Variants in FAM117B observed in about 807,000 individuals in gnomAD.
FAM117B encodes protein FAM117B.
FAM117B carries 22 observed loss-of-function variants against 52.8 expected under a neutral mutation model. The observed-to-expected ratio is 0.42, with a 90% confidence interval of 0.30 to 0.59. FAM117B has a LOEUF of 0.59. Ranked by LOEUF, FAM117B falls within the 20% of genes least tolerant of loss-of-function variation. FAM117B has a pLI of 0.22. For missense variants in FAM117B, 678 were observed against 802.6 expected (o/e 0.84, Z 1.88); for synonymous variants, 309 against 324.1 (o/e 0.95, Z 0.50).
chr2:202,645,321 C>T (rs1032138183), intron 1 of FAM117B, among the ~76,000 whole-genome samples: 7 of 150,280 alleles, frequency 4.7e-5, no homozygotes, highest in African/African-American at 1.2e-4. Flanking sequence ...GACAGAGTCT[C>T]GCTGTCGCCC....
rs909852905 is a variant in FAM117B at position 202,741,542 on chromosome 2, A to T, written c.961-13996A>T. On this transcript the variant is annotated intron_variant, in intron 4 of 7. Transcript: ENST00000392238. ...GAATCAATAAAACCAATGAAAAAAA[A>T]TTTTTTTTTTTTGAGACGGAGTCTT... 2.9e-3 allele frequency among the ~76,000 whole-genome samples: 417 copies of T among 143,662 alleles called. 3 individuals carry two copies. The highest frequency in any genetic ancestry group is 9.5e-3 in the African/African-American group (373 of 39,218). The allele number at this position is 143,662 out of a possible 152,430, so 94.2% of individuals were successfully genotyped here.
chr2:202,690,279 C>T (rs1008700269), intron 1 of FAM117B, among the ~76,000 whole-genome samples: 1 of 152,216 alleles, frequency 6.6e-6, no homozygotes, highest in African/African-American at 2.4e-5. Context: ...TTATTGCATA[C>T]ACTTGTCCTT....
intron 4 of FAM117B, 75 bp from the exon 5 acceptor site, chr2:202,755,463 C>G: frequency 1.3e-6 from 2 of 1,541,300 alleles, no homozygotes; most frequent in Non-Finnish European, 1.8e-6. Flanking sequence ...TTACTTATGT[C>G]TGTTGGAATT....
Position 202,634,978 on chromosome 2 carries a change from A to G in FAM117B, c.-210A>G, listed in dbSNP as rs1306751590. ...GGGGGGCGGGGGCAGCAGAGGAGAC[A>G]CTATTGTTGATGAGGAGCGGCGGCG... On this transcript the variant is annotated 5_prime_UTR_variant, in exon 1 of 8. Transcript: ENST00000392238. 6.7e-6 allele frequency among the ~76,000 whole-genome samples: 1 copy of G among 149,524 alleles called. No homozygotes were observed. The highest frequency in any genetic ancestry group is 1.5e-5 in the Non-Finnish European group (1 of 67,526).
intron 1 of FAM117B, among the ~76,000 whole-genome samples, chr2:202,655,746 G>C (rs1690045019): frequency 6.7e-6 from 1 of 150,160 alleles, no homozygotes. Flanking sequence ...GAGAGAGAGA[G>C]AGAGAGAGAG....
intron 4 of FAM117B, among the ~76,000 whole-genome samples, chr2:202,731,887 T>C (rs1691357374): frequency 6.6e-6 from 1 of 151,792 alleles, no homozygotes; most frequent in African/African-American, 2.4e-5. Flanking sequence ...AGGCGTGTGC[T>C]ACCACACCCA....
At chr2:202,664,752 C>G (rs764833320) in intron 1 of FAM117B, among the ~76,000 whole-genome samples, 1 of 151,886 alleles carries the variant, frequency 6.6e-6, no homozygotes, top group African/African-American at 2.4e-5. Context: ...CCTCATTTGC[C>G]TTACCGTAGT....
chr2:202,743,874 A>C (rs970089634), intron 4 of FAM117B, among the ~76,000 whole-genome samples: 2 of 152,246 alleles, frequency 1.3e-5, no homozygotes, highest in Non-Finnish European at 2.9e-5. Context: ...TCTGTGACAT[A>C]TAGGAAGCAA....
rs541715261 is a variant in FAM117B, at chr2:202,730,002, T to G, written c.960+3639T>G. On this transcript the variant is annotated intron_variant, in intron 4 of 7. Transcript: ENST00000392238. ...TAAGAATAGGATTTAGTGATCCAAG[T>G]AAGAAATGATGGCCTCTAGTAGGGT... Among the ~76,000 whole-genome samples the G allele has an allele frequency of 2.6e-5, 4 of 152,290 alleles. No individual in the cohort carries two copies. The East Asian group carries it at 7.7e-4, about 29-fold the overall frequency.
At chr2:202,650,937 C>G (rs1024422974) in intron 1 of FAM117B, among the ~76,000 whole-genome samples, 2 of 152,116 alleles carry the variant, frequency 1.3e-5, no homozygotes, top group Admixed American at 6.6e-5. Flanking sequence ...TCTCCTTTGG[C>G]AACACCCTCA....
intron 1 of FAM117B, among the ~76,000 whole-genome samples, chr2:202,654,360 C>G (rs184864781): frequency 4.6e-4 from 70 of 151,484 alleles, no homozygotes; most frequent in Non-Finnish European, 4.4e-5. Flanking sequence ...TTTGGAGGCT[C>G]TGGGTTATCA....
At chr2:202,717,987 C>G (rs951118938) in intron 2 of FAM117B, among the ~76,000 whole-genome samples, 2 of 152,100 alleles carry the variant, frequency 1.3e-5, no homozygotes, top group East Asian at 3.9e-4. Flanking sequence ...AGCTGGCACT[C>G]AGACCACAAG....
chr2:202,648,887 G>A (rs559832354), intron 1 of FAM117B, among the ~76,000 whole-genome samples: 1 of 151,992 alleles, frequency 6.6e-6, no homozygotes, highest in Non-Finnish European at 1.5e-5. Flanking sequence ...TCAGCCTCCT[G>A]AGTAGCTGGG....
intron 2 of FAM117B, among the ~76,000 whole-genome samples, chr2:202,711,551 A>T (rs558873211): frequency 1.3e-5 from 2 of 152,218 alleles, no homozygotes; most frequent in African/African-American, 4.8e-5. Flanking sequence ...TTAACTTGAT[A>T]TGACCCTATT....
At chr2:202,731,368 T>TATATATATGTATATATATATAG (rs780138718) in intron 4 of FAM117B, among the ~76,000 whole-genome samples, 2 of 95,838 alleles carry the variant, frequency 2.1e-5, no homozygotes, top group East Asian at 7.5e-4. Context: ...TATATATATA[T>TATATATATGTATATATATATAG]GGAGAGAGAG....
chr2:202,726,354 CCAGTGT>C lies in FAM117B; in HGVS notation c.955_960del (p.Cys319_Gln320del). Reference sequence around the variant, plus strand: ...TTCATGGCAACCATGCAGCTATTAACCAGTGTCAGGTAAGAGTACCAATACCACAAA... The same window carrying C: ...TTCATGGCAACCATGCAGCTATTAACCAGGTAAGAGTACCAATACCACAAA... On this transcript the variant is annotated inframe_deletion, in exon 4 of 8. Transcript: ENST00000392238. The C allele has an allele frequency of 6.2e-7, 1 of 1,610,300 alleles. No homozygotes were observed. Among genetic ancestry groups the C allele is most frequent in the Non-Finnish European group, 8.5e-7 (1 of 1,178,056 alleles).
intron 1 of FAM117B, among the ~76,000 whole-genome samples, chr2:202,664,466 C>A (rs947714643): frequency 5.3e-5 from 8 of 152,138 alleles, no homozygotes; most frequent in African/African-American, 1.9e-4. Flanking sequence ...ACAACTGAGG[C>A]ATTGGCCCTG....
intron 1 of FAM117B, among the ~76,000 whole-genome samples, chr2:202,656,048 T>C (rs770788974): frequency 7.9e-5 from 12 of 152,190 alleles, no homozygotes; most frequent in South Asian, 4.1e-4. Context: ...TCATTATTCA[T>C]CTGTGGAGTT....
intron 4 of FAM117B, among the ~76,000 whole-genome samples, chr2:202,753,872 A>G (rs1392186222): frequency 6.6e-6 from 1 of 152,232 alleles, no homozygotes; most frequent in Non-Finnish European, 1.5e-5. Context: ...TAAGTCAGAA[A>G]ACAATAGATG....
Sources: allele counts gnomAD v4.1 joint callset (sites outside exome capture counted in the v4.1 genomes callset), GRCh38; gene constraint gnomAD v4.1.1; transcripts MANE v1.5; gene names NCBI Gene and HGNC (gene_info 2026-07-23, HGNC 2026-07-21).